Variants in PLAC1 observed in about 807,000 individuals in gnomAD.
PLAC1 encodes the protein placenta associated 1, also known as placenta-specific protein 1.
For synonymous variants in PLAC1, 68 were observed against 62.1 expected, an observed-to-expected ratio of 1.09 and a Z score of -0.44; for missense variants, 136 against 163.2, an observed-to-expected ratio of 0.83 and a Z score of 0.91.
intron 2 of PLAC1, among the ~76,000 whole-genome samples, chrX:134,714,504 T>C (rs190513558): frequency 2.0e-3 from 223 of 111,239 alleles, no homozygotes; most frequent in African/African-American, 6.8e-3. Flanking sequence ...AATTTAACGT[T>C]TACCATTTTA....
At chrX:134,751,363 C>G (rs912372740) in intron 1 of PLAC1, among the ~76,000 whole-genome samples, 2 of 109,769 alleles carry the variant, frequency 1.8e-5, no homozygotes, top group African/African-American at 6.7e-5. Flanking sequence ...CAATCTCATG[C>G]AGACAACTGC....
intron 2 of PLAC1, among the ~76,000 whole-genome samples, chrX:134,577,596 G>A (rs149911173): frequency 0.016 from 1,769 of 111,561 alleles, 12 homozygotes; most frequent in Middle Eastern, 0.041. Context: ...GGCTGAGGCA[G>A]GAGAATCGCT....
chrX:134,602,639 A>T (rs2078094081), intron 1 of PLAC1, among the ~76,000 whole-genome samples: 1 of 112,293 alleles, frequency 8.9e-6, no homozygotes, highest in African/African-American at 3.2e-5. Context: ...GTGGAGTACT[A>T]TTCAGCAATA....
At chrX:134,710,869 C>T (rs2078626160) in intron 2 of PLAC1, among the ~76,000 whole-genome samples, 1 of 110,952 alleles carries the variant, frequency 9.0e-6, no homozygotes, top group African/African-American at 3.3e-5. Flanking sequence ...TTCTCCTCTG[C>T]ATGGTGAGAA....
At chrX:134,729,679 T>C (rs1388490615) in intron 2 of PLAC1, among the ~76,000 whole-genome samples, 1 of 112,378 alleles carries the variant, frequency 8.9e-6, no homozygotes, top group Non-Finnish European at 1.9e-5. Flanking sequence ...AATTCCACTG[T>C]TGGGGTTCTT....
intron 2 of PLAC1, among the ~76,000 whole-genome samples, chrX:134,583,828 A>G (rs1044399640): frequency 4.5e-5 from 5 of 110,475 alleles, no homozygotes; most frequent in African/African-American, 1.3e-4. Flanking sequence ...TCCTACAGAG[A>G]CGAGTTTTGG....
upstream of PLAC1, among the ~76,000 whole-genome samples, chrX:134,660,208 G>A (rs761049381): frequency 1.9e-3 from 208 of 110,065 alleles, 1 homozygote; most frequent in African/African-American, 6.3e-3. Flanking sequence ...GGGTTCAAGC[G>A]ATTCTTCTGC....
rs200748302 is a variant in PLAC1, at chrX:134,696,517, C to CT, written n.174+36917dup. On this transcript the variant is annotated intron_variant and non_coding_transcript_variant, in intron 2 of 2. Coordinates refer to the PLAC1 transcript ENST00000466797. ...TACAGAAGACTGCCTTCATTTTCCACTGCAACCACCAAAGGGAATTAGGCA... is the reference window on the plus strand; with the variant it reads ...TACAGAAGACTGCCTTCATTTTCCACTTGCAACCACCAAAGGGAATTAGGCA... 9.3e-3 allele frequency among the ~76,000 whole-genome samples: 1,040 copies of CT among 112,411 alleles called. 16 individuals carry two copies. The highest frequency in any genetic ancestry group is 0.032 in the African/African-American group (989 of 30,974).
chrX:134,588,775 A>G (rs1320721811), intron 2 of PLAC1, among the ~76,000 whole-genome samples: 3 of 110,330 alleles, frequency 2.7e-5, no homozygotes. Context: ...GCCCAGGGAG[A>G]AAAATGAGTT....
rs1348175647 is a variant in PLAC1, at chrX:134,614,464, T to C, written c.-130-12342A>G. Among the ~76,000 whole-genome samples the C allele has an allele frequency of 3.6e-5, 4 of 111,164 alleles. No homozygotes were observed. In the South Asian group the frequency reaches 1.5e-3, roughly 43 times the overall value. The stretch of plus-strand genomic sequence containing the variant: ...TCTTTTTAAAAATTCTACATATAAG[T>C]GAGATCATTCAGTATTTTCTTTCTG... On this transcript the variant is annotated intron_variant, in intron 1 of 2. Coordinates refer to ENST00000359237, the MANE Select transcript of PLAC1 (RefSeq NM_021796.4).
chrX:134,668,323 G>T (rs2078443931), intron 2 of PLAC1, among the ~76,000 whole-genome samples: 1 of 112,575 alleles, frequency 8.9e-6, no homozygotes, highest in African/African-American at 3.2e-5. Flanking sequence ...AGAGGATGGA[G>T]TGGGGAGAGA....
upstream of PLAC1, among the ~76,000 whole-genome samples, chrX:134,661,548 A>T (rs2078416548): frequency 8.9e-6 from 1 of 112,238 alleles, no homozygotes; most frequent in Non-Finnish European, 1.9e-5. Context: ...TCTTAAAACC[A>T]CACTACAGTA....
At chrX:134,604,284 G>C (rs2078111955) in intron 1 of PLAC1, among the ~76,000 whole-genome samples, 2 of 112,691 alleles carry the variant, frequency 1.8e-5, no homozygotes, top group Non-Finnish European at 3.8e-5. Context: ...GTTGATCAAG[G>C]CTATGTTAAA....
intron 1 of PLAC1, among the ~76,000 whole-genome samples, chrX:134,604,832 G>C (rs2078114852): frequency 9.0e-6 from 1 of 111,323 alleles, no homozygotes; most frequent in Non-Finnish European, 1.9e-5. Context: ...AAACAACACT[G>C]CCCTTTGTAA....
intron 2 of PLAC1, among the ~76,000 whole-genome samples, chrX:134,686,513 G>C (rs1014483593): frequency 8.9e-6 from 1 of 111,886 alleles, no homozygotes; most frequent in Non-Finnish European, 1.9e-5. Context: ...AGAGTGTGAC[G>C]TGCTCAGTCT....
chrX:134,577,381 G>A (rs903325041), intron 2 of PLAC1, among the ~76,000 whole-genome samples: 4 of 111,730 alleles, frequency 3.6e-5, no homozygotes, highest in African/African-American at 9.8e-5. Context: ...CCTGTCCTAC[G>A]TCAGAGGCTA....
intron 2 of PLAC1, among the ~76,000 whole-genome samples, chrX:134,688,403 T>A (rs1435172748): frequency 8.9e-6 from 1 of 112,459 alleles, no homozygotes; most frequent in Admixed American, 9.4e-5. Context: ...GCTGCCATCC[T>A]GCATTAATTG....
intron 2 of PLAC1, among the ~76,000 whole-genome samples, chrX:134,597,537 T>C (rs1409162544): frequency 1.8e-5 from 2 of 112,503 alleles, no homozygotes; most frequent in Non-Finnish European, 3.7e-5. Flanking sequence ...GTATGATGAA[T>C]GATTTTCAAC....
chrX:134,654,097 G>A (rs906774351), intron 1 of PLAC1, among the ~76,000 whole-genome samples: 1 of 111,964 alleles, frequency 8.9e-6, no homozygotes, highest in Non-Finnish European at 1.9e-5. Context: ...CCCAACGATT[G>A]CAAGAGGAGG....
Sources: gnomAD v4.1 joint callset for allele counts (sites outside exome capture counted in the v4.1 genomes callset) on GRCh38, gnomAD v4.1.1 for gene constraint, MANE v1.5 for transcripts, NCBI Gene and HGNC (gene_info 2026-07-23, HGNC 2026-07-21) for gene names.